Variants in TPRG1 observed in about 807,000 individuals in gnomAD.
TPRG1 encodes the protein tumor protein p63-regulated gene 1 protein.
TPRG1 carries 29 observed loss-of-function variants against 29.3 expected under a neutral mutation model. The observed-to-expected ratio is 0.99, with a 90% CI of 0.74 to 1.35. TPRG1 has a LOEUF of 1.35. Among genes scored for constraint, TPRG1 ranks in the 40% most tolerant of loss-of-function variants. The pLI is 0.00. For synonymous variants in TPRG1, 130 were observed against 116.8 expected (o/e 1.11, Z -0.73); for missense variants, 327 against 335.0 (o/e 0.98, Z 0.19).
chr3:189,210,347 G>A (rs1032326505), intron 2 of TPRG1, among the ~76,000 whole-genome samples: 2 of 151,926 alleles, frequency 1.3e-5, no homozygotes, highest in African/African-American at 4.8e-5. Context: ...TCTGTAATTG[G>A]TAATAGGAAA....
rs569609247 is a variant in TPRG1 at position 189,144,446 on chromosome 3, C to T, written c.-290-3138C>T. 1.6e-4 allele frequency among the ~76,000 whole-genome samples: 25 copies of T among 152,230 alleles called. 1 individual carries two copies. In the South Asian group the frequency reaches 3.1e-3, roughly 19 times the overall value. On this transcript the variant is annotated intron_variant, in intron 3 of 6. Coordinates refer to the TPRG1 transcript ENST00000412373. ...AAAATAGTGATGTGACTTCACATTT[C>T]GAAACAAAGAGGCAGGTGGTTCTGC...
chr3:189,111,264 G>T (rs1720489086), intron 1 of TPRG1, among the ~76,000 whole-genome samples: 1 of 151,890 alleles, frequency 6.6e-6, no homozygotes, highest in Admixed American at 6.6e-5. Context: ...TCAGTATTTT[G>T]TAGTTCTCAG....
chr3:189,278,096 C>A (rs1450753409), intron 4 of TPRG1, among the ~76,000 whole-genome samples: 2 of 152,184 alleles, frequency 1.3e-5, no homozygotes, highest in East Asian at 3.8e-4. Flanking sequence ...CACTCCTATG[C>A]AGGATGTTAA....
chr3:189,079,089 G>T (rs1717414254), intron 4 of TPRG1, among the ~76,000 whole-genome samples: 1 of 152,146 alleles, frequency 6.6e-6, no homozygotes, highest in African/African-American at 2.4e-5. Flanking sequence ...TCCAATTATG[G>T]CAGAAAAGGA....
At chr3:189,213,291 T>G (rs145746453) in intron 2 of TPRG1, among the ~76,000 whole-genome samples, 25 of 152,320 alleles carry the variant, frequency 1.6e-4, no homozygotes, top group Non-Finnish European at 3.2e-4. Context: ...CAAAATGGTG[T>G]ATAATGGATC....
chr3:189,184,935 C>A (rs1730717575), intron 1 of TPRG1, among the ~76,000 whole-genome samples: 1 of 152,156 alleles, frequency 6.6e-6, no homozygotes, highest in African/African-American at 2.4e-5. Context: ...AGATAAAAGG[C>A]ACTTACCTTG....
At chr3:189,194,289 T>G (rs1011498359) in intron 1 of TPRG1, among the ~76,000 whole-genome samples, 1 of 152,192 alleles carries the variant, frequency 6.6e-6, no homozygotes, top group Admixed American at 6.5e-5. Flanking sequence ...TTTGGGGTTC[T>G]TCTCTCCTTA....
At chr3:189,103,509 G>A (rs1434948726) in intron 1 of TPRG1, among the ~76,000 whole-genome samples, 1 of 152,052 alleles carries the variant, frequency 6.6e-6, no homozygotes, top group Non-Finnish European at 1.5e-5. Context: ...CCTACACCAC[G>A]GACAATCATT....
chr3:189,065,575 A>G (rs556679465), intron 4 of TPRG1, among the ~76,000 whole-genome samples: 11 of 152,230 alleles, frequency 7.2e-5, no homozygotes, highest in African/African-American at 2.6e-4. Flanking sequence ...GGCAATGATG[A>G]TATCAATTGA....
chr3:189,216,524 A>G (rs774981838), intron 3 of TPRG1, among the ~76,000 whole-genome samples: 3 of 152,204 alleles, frequency 2.0e-5, no homozygotes, highest in African/African-American at 7.2e-5. Context: ...TTGTTTCTTC[A>G]TGCATAAAAT....
chr3:188,997,562 T>C (rs1711875941), intron 1 of TPRG1, among the ~76,000 whole-genome samples: 1 of 152,174 alleles, frequency 6.6e-6, no homozygotes, highest in Admixed American at 6.5e-5. Flanking sequence ...TACTGGAACA[T>C]GAGAATTTCA....
At chr3:189,137,533 A>G (rs1166830831) in intron 3 of TPRG1, among the ~76,000 whole-genome samples, 1 of 152,192 alleles carries the variant, frequency 6.6e-6, no homozygotes, top group Admixed American at 6.5e-5. Flanking sequence ...TGCTGTGAAC[A>G]GAGCTCTACA....
intron 5 of TPRG1, among the ~76,000 whole-genome samples, chr3:189,159,489 G>C (rs1460543921): frequency 2.0e-5 from 3 of 152,112 alleles, no homozygotes; most frequent in Non-Finnish European, 4.4e-5. Context: ...GAAGAGGGAA[G>C]GACAGAGTCC....
intron 2 of TPRG1, among the ~76,000 whole-genome samples, chr3:189,130,698 A>T (rs2108531372): frequency 6.6e-6 from 1 of 152,366 alleles, no homozygotes; most frequent in Non-Finnish European, 1.5e-5. Flanking sequence ...TGAACTGCTT[A>T]GGACACACTC....
chr3:189,226,839 T>A (rs1202217655), intron 3 of TPRG1, among the ~76,000 whole-genome samples: 2 of 147,800 alleles, frequency 1.4e-5, no homozygotes, highest in East Asian at 3.9e-4. Flanking sequence ...GAGACACAAG[T>A]TACCAATATC....
chr3:189,210,624 T>A (rs1472876037), intron 2 of TPRG1, among the ~76,000 whole-genome samples: 1 of 152,188 alleles, frequency 6.6e-6, no homozygotes, highest in Non-Finnish European at 1.5e-5. Context: ...CCACAAAGTC[T>A]CTGGTGATAC....
chr3:189,084,722 G>A (rs1313166319), intron 4 of TPRG1, among the ~76,000 whole-genome samples: 2 of 152,146 alleles, frequency 1.3e-5, no homozygotes, highest in East Asian at 1.9e-4. Flanking sequence ...TGGCCTAAAT[G>A]GATGCTGGTC....
chr3:189,272,233 G>C (rs1191826363), intron 4 of TPRG1, among the ~76,000 whole-genome samples: 1 of 152,156 alleles, frequency 6.6e-6, no homozygotes, highest in African/African-American at 2.4e-5. Flanking sequence ...GATCTGCTTT[G>C]ACTTGTATTC....
chr3:189,090,282 A>G (rs1183993405), intron 4 of TPRG1, among the ~76,000 whole-genome samples: 2 of 152,012 alleles, frequency 1.3e-5, no homozygotes, highest in African/African-American at 4.8e-5. Context: ...GTGGATTGTC[A>G]TTTTTTGGAG....
Sources: allele counts gnomAD v4.1 joint callset (sites outside exome capture counted in the v4.1 genomes callset), GRCh38; gene constraint gnomAD v4.1.1; transcripts MANE v1.5; gene names NCBI Gene and HGNC (gene_info 2026-07-23, HGNC 2026-07-21).